CACNA2D1: variants seen among roughly 807,000 people sequenced by gnomAD.
CACNA2D1 encodes the protein voltage-dependent calcium channel subunit alpha-2/delta-1.
A neutral mutation model predicts 171.5 loss-of-function variants in CACNA2D1; 53 were observed. The observed-to-expected ratio is 0.31, with a 90% CI of 0.25 to 0.39. CACNA2D1 has a LOEUF of 0.39. CACNA2D1 is among the 10% of genes least tolerant of loss of function. The probability of loss-of-function intolerance (pLI) is 1.00; values close to 1 mark genes in which losing one functional copy is unlikely to be tolerated. For missense variants in CACNA2D1, 903 were observed against 1,299.8 expected, an observed-to-expected ratio of 0.69 and a Z score of 4.69; for synonymous variants, 442 against 443.1, an observed-to-expected ratio of 1.00 and a Z score of 0.03.
At chr7:82,340,482 T>A (rs112313406) in intron 2 of CACNA2D1, among the ~76,000 whole-genome samples, 2,032 of 151,730 alleles carry the variant, frequency 0.013, 54 homozygotes, top group African/African-American at 0.047. Context: ...ATTTTTTTTT[T>A]TATAAGTAGA....
At chr7:82,042,215 C>G (rs1804048726) in intron 10 of CACNA2D1, among the ~76,000 whole-genome samples, 1 of 152,212 alleles carries the variant, frequency 6.6e-6, no homozygotes, top group African/African-American at 2.4e-5. Context: ...TCAGATAAGA[C>G]TATATTTCAC....
At chr7:82,381,667 C>A (rs1043027584) in intron 1 of CACNA2D1, among the ~76,000 whole-genome samples, 15 of 151,012 alleles carry the variant, frequency 9.9e-5, no homozygotes, top group African/African-American at 3.7e-4. Context: ...GCAGGGCTGT[C>A]TTTCTCATCT....
At chr7:82,212,174 C>G (rs926651936) in intron 3 of CACNA2D1, among the ~76,000 whole-genome samples, 1 of 152,126 alleles carries the variant, frequency 6.6e-6, no homozygotes, top group African/African-American at 2.4e-5. Context: ...AATCAACACT[C>G]TATCATCTTG....
intron 6 of CACNA2D1, among the ~76,000 whole-genome samples, chr7:82,102,986 T>C (rs749463705): frequency 2.6e-5 from 4 of 152,146 alleles, no homozygotes; most frequent in Admixed American, 6.6e-5. Context: ...CCGTGACTTT[T>C]AATAATTATT....
At chr7:82,014,796 G>A (rs867745377) in intron 12 of CACNA2D1, among the ~76,000 whole-genome samples, 1 of 152,136 alleles carries the variant, frequency 6.6e-6, no homozygotes, top group Non-Finnish European at 1.5e-5. Flanking sequence ...GCTCACGCTC[G>A]TAATCCCAGC....
chr7:81,991,825 T>C (rs954258701), intron 20 of CACNA2D1, among the ~76,000 whole-genome samples: 30 of 151,960 alleles, frequency 2.0e-4, no homozygotes, highest in Non-Finnish European at 3.4e-4. Flanking sequence ...GGTATTGCGA[T>C]GGCACATGTA....
At chr7:82,332,520 AAG>A (rs1400082005) in intron 3 of CACNA2D1, among the ~76,000 whole-genome samples, 87 of 90,290 alleles carry the variant, frequency 9.6e-4, no homozygotes, top group African/African-American at 3.6e-3. Context: ...TAAAGAAAGA[AAG>A]AAAGAAAGAA....
At position 82,323,181 on chromosome 7, in the gene CACNA2D1, T is replaced by C. The variant is rs546518312; in HGVS notation, c.294+11954A>G. Among the ~76,000 whole-genome samples the C allele has an allele frequency of 2.9e-3, 446 of 152,228 alleles. 3 individuals carry two copies. The highest frequency in any genetic ancestry group is 2.8e-3 in the Non-Finnish European group (192 of 68,012). ...GTTGGCCTTGGATCAGCACTGTTTC[T>C]CTATATTTACTTTCACCCAAAACAC... On this transcript the variant is annotated intron_variant, in intron 3 of 38. Transcript: ENST00000356860.
chr7:82,197,053 T>G (rs1023460495), intron 3 of CACNA2D1, among the ~76,000 whole-genome samples: 5 of 151,990 alleles, frequency 3.3e-5, no homozygotes, highest in Non-Finnish European at 7.4e-5. Context: ...AGTGAAAAAT[T>G]GTGGCTAGTT....
At position 82,052,695 on chromosome 7, in the gene CACNA2D1, T is replaced by C. The variant is rs1195284062; in HGVS notation, c.879+7733A>G. On this transcript the variant is annotated intron_variant, in intron 10 of 38. Coordinates refer to ENST00000356860, the MANE Select transcript of CACNA2D1 (RefSeq NM_000722.4). The stretch of plus-strand genomic sequence containing the variant: ...GATTATAAATGCAAATAAGAATATA[T>C]GAAGTTTCATAAGAGCAAAAGATAC... 2.6e-5 allele frequency among the ~76,000 whole-genome samples: 4 copies of C among 152,294 alleles called. No homozygotes were observed. In the East Asian group the frequency reaches 7.7e-4, roughly 29 times the overall value.
intron 3 of CACNA2D1, among the ~76,000 whole-genome samples, chr7:82,227,299 A>C (rs1316169817): frequency 6.6e-6 from 1 of 152,196 alleles, no homozygotes; most frequent in Non-Finnish European, 1.5e-5. Context: ...CACAGAGAGC[A>C]GAAAAGAGGC....
chr7:82,242,373 A>C (rs1458424149), intron 3 of CACNA2D1, among the ~76,000 whole-genome samples: 1 of 152,130 alleles, frequency 6.6e-6, no homozygotes, highest in East Asian at 1.9e-4. Flanking sequence ...AATTAACACA[A>C]AGCTAACTAT....
chr7:82,406,543 C>T (rs1827069934), intron 1 of CACNA2D1, among the ~76,000 whole-genome samples: 1 of 152,214 alleles, frequency 6.6e-6, no homozygotes, highest in South Asian at 2.1e-4. Flanking sequence ...TCCACATCCT[C>T]TCCAGTACCT....
At chr7:81,970,074 G>T (rs748892825) in intron 27 of CACNA2D1, 90 bp from the exon 28 acceptor site, 5 of 789,526 alleles carry the variant, frequency 6.3e-6, no homozygotes, top group Non-Finnish European at 9.1e-6. Flanking sequence ...TTACAGATAC[G>T]CCTACATCTC....
chr7:82,325,830 C>T lies in CACNA2D1; in HGVS notation c.294+9305G>A, dbSNP rs546546637. On this transcript the variant is annotated intron_variant, in intron 3 of 38. Coordinates refer to ENST00000356860, the MANE Select transcript of CACNA2D1 (RefSeq NM_000722.4). ...TTTGTTCGATATTGTTTTGTTATAA[C>T]GCTGATGAGAAAAAATGAAAATCAA... is the stretch of plus-strand genomic sequence containing the variant. Among the ~76,000 whole-genome samples, 6 of 152,130 alleles carry T rather than the reference C, an allele frequency of 3.9e-5. No individual in the cohort carries two copies. In the South Asian group the frequency reaches 6.2e-4, roughly 16 times the overall value.
intron 12 of CACNA2D1, chr7:82,029,845 T>A (rs546400008): frequency 1.3e-5 from 2 of 151,856 alleles, no homozygotes; most frequent in Non-Finnish European, 2.9e-5. Context: ...TCCAAGAATA[T>A]TTTAATTTTT....
At chr7:82,228,679 G>A (rs765387504) in intron 3 of CACNA2D1, among the ~76,000 whole-genome samples, 1 of 152,012 alleles carries the variant, frequency 6.6e-6, no homozygotes, top group Admixed American at 6.6e-5. Flanking sequence ...ACAGGGTGGT[G>A]GTGAGAACTT....
At chr7:82,382,826 A>G (rs1394735372) in intron 1 of CACNA2D1, among the ~76,000 whole-genome samples, 1 of 152,234 alleles carries the variant, frequency 6.6e-6, no homozygotes, top group African/African-American at 2.4e-5. Flanking sequence ...AATCTATTAT[A>G]TAACTGGTGT....
chr7:82,323,210 T>C (rs956604111), intron 3 of CACNA2D1, among the ~76,000 whole-genome samples: 2 of 152,070 alleles, frequency 1.3e-5, no homozygotes, highest in Non-Finnish European at 2.9e-5. Flanking sequence ...AAAACACTAT[T>C]AACTAGCACA....
Sources: allele counts gnomAD v4.1 joint callset (sites outside exome capture counted in the v4.1 genomes callset), GRCh38; gene constraint gnomAD v4.1.1; transcripts MANE v1.5; gene names NCBI Gene and HGNC (gene_info 2026-07-23, HGNC 2026-07-21).